TVP23C: variants seen among roughly 807,000 people sequenced by gnomAD.
TVP23C encodes the protein Golgi apparatus membrane protein TVP23 homolog C.
In TVP23C, 19 loss-of-function variants were observed where a neutral mutation model predicts 28.7. The ratio of observed to expected loss-of-function variants is 0.66; its 90% CI spans 0.46 to 0.97. The LOEUF (loss-of-function observed/expected upper bound fraction) is 0.97, where lower values mean the gene tolerates loss of function less well. Ranked by LOEUF, TVP23C falls within the 50% of genes least tolerant of loss-of-function variation. TVP23C has a pLI of 0.00. For synonymous variants in TVP23C, 68 were observed against 81.7 expected (o/e 0.83, Z 0.90); for missense variants, 186 against 241.3 (o/e 0.77, Z 1.52).
chr17:15,519,481 TACAC>T (rs3031137), intron 5 of TVP23C, among the ~76,000 whole-genome samples: 1,754 of 142,670 alleles, frequency 0.012, 34 homozygotes, highest in African/African-American at 0.041. Context: ...CAAATAAATA[TACAC>T]ACACACACAC....
chr17:15,530,395 A>T (rs1451321711), intron 5 of TVP23C, among the ~76,000 whole-genome samples: 3 of 152,162 alleles, frequency 2.0e-5, no homozygotes, highest in Non-Finnish European at 4.4e-5. Context: ...CCTAATTTCA[A>T]TAATACTCAA....
chr17:15,510,573 C>A (rs903940156), intron 5 of TVP23C, among the ~76,000 whole-genome samples: 6 of 152,116 alleles, frequency 3.9e-5, no homozygotes, highest in African/African-American at 1.4e-4. Flanking sequence ...AGTCATAGTT[C>A]CAACTCTGCA....
chr17:15,516,281 T>C (rs1210967232), intron 5 of TVP23C: 1 of 152,442 alleles, frequency 6.6e-6, no homozygotes, highest in Non-Finnish European at 1.5e-5. Context: ...CAGGGGTTGG[T>C]TGTGAAGGAA....
At chr17:15,546,999 A>G in intron 4 of TVP23C, 60 bp downstream of exon 4, 10 of 1,377,596 alleles carry the variant, frequency 7.3e-6, no homozygotes, top group Non-Finnish European at 9.8e-6. Context: ...TCCAGTATTT[A>G]AATATAGTCT....
intron 1 of TVP23C, chr17:15,563,203 C>T: frequency 3.0e-6 from 2 of 662,594 alleles, no homozygotes; most frequent in Admixed American, 3.3e-5. Flanking sequence ...CAATGGGCGT[C>T]CCCACAGCCG....
intron 3 of TVP23C, among the ~76,000 whole-genome samples, chr17:15,548,386 G>C (rs1217676115): frequency 6.6e-6 from 1 of 152,110 alleles, no homozygotes. Context: ...GGTTGGTCTC[G>C]AACTCCCAAC....
At chr17:15,560,348 G>A (rs1386551426) in intron 1 of TVP23C, among the ~76,000 whole-genome samples, 1 of 149,298 alleles carries the variant, frequency 6.7e-6, no homozygotes, top group Non-Finnish European at 1.5e-5. Flanking sequence ...ACAGCCATGA[G>A]CCCTGCGCCC....
chr17:15,548,619 C>T (rs1983750874), intron 3 of TVP23C, among the ~76,000 whole-genome samples: 1 of 152,156 alleles, frequency 6.6e-6, no homozygotes, highest in African/African-American at 2.4e-5. Context: ...ATACTTGCTG[C>T]AGTTATCTTA....
intron 5 of TVP23C, among the ~76,000 whole-genome samples, chr17:15,509,651 TAA>T (rs1981918302): frequency 6.6e-6 from 1 of 152,202 alleles, no homozygotes; most frequent in African/African-American, 2.4e-5. Context: ...CGCTTGAGCC[TAA>T]GAGATGGAGG....
At chr17:15,548,404 A>T (rs1214295565) in intron 3 of TVP23C, among the ~76,000 whole-genome samples, 1 of 152,146 alleles carries the variant, frequency 6.6e-6, no homozygotes, top group Non-Finnish European at 1.5e-5. Context: ...AACCTCAGTG[A>T]TTCACCCGCC....
intron 5 of TVP23C, among the ~76,000 whole-genome samples, chr17:15,544,071 A>T (rs941298674): frequency 6.9e-6 from 1 of 145,738 alleles, no homozygotes; most frequent in Non-Finnish European, 1.5e-5. Context: ...TACATGAACT[A>T]AAAAAAAAAA....
chr17:15,534,384 A>G (rs1345747334), downstream of TVP23C, among the ~76,000 whole-genome samples: 1 of 152,184 alleles, frequency 6.6e-6, no homozygotes. Context: ...GCAACCTTCA[A>G]TAAATTATTT....
chr17:15,521,654 G>A (rs1254365393), intron 5 of TVP23C, among the ~76,000 whole-genome samples: 1 of 152,228 alleles, frequency 6.6e-6, no homozygotes, highest in Non-Finnish European at 1.5e-5. Context: ...GTTGGCATTG[G>A]AGATTAATGT....
intron 5 of TVP23C, among the ~76,000 whole-genome samples, chr17:15,520,360 C>G (rs997146734): frequency 6.7e-6 from 1 of 148,490 alleles, no homozygotes; most frequent in Non-Finnish European, 1.5e-5. Flanking sequence ...GGTTTCAGAT[C>G]ACCTAACGTC....
At chr17:15,517,709 G>A (rs1020964122) in intron 5 of TVP23C, among the ~76,000 whole-genome samples, 6 of 152,140 alleles carry the variant, frequency 3.9e-5, no homozygotes, top group Non-Finnish European at 5.9e-5. Context: ...GGTGGATGTT[G>A]CCATCCCACC....
chr17:15,541,075 C>T (rs1352447900), intron 5 of TVP23C, among the ~76,000 whole-genome samples: 1 of 152,130 alleles, frequency 6.6e-6, no homozygotes, highest in Non-Finnish European at 1.5e-5. Flanking sequence ...TCAACCGATG[C>T]CTGCCTTCCC....
At chr17:15,506,492 C>T (rs1395437859) in intron 5 of TVP23C, among the ~76,000 whole-genome samples, 2 of 152,220 alleles carry the variant, frequency 1.3e-5, no homozygotes, top group African/African-American at 4.8e-5. Context: ...TACCAATCAG[C>T]AGGATGTGGG....
chr17:15,521,237 G>C (rs537934472), intron 5 of TVP23C, among the ~76,000 whole-genome samples: 7 of 152,262 alleles, frequency 4.6e-5, no homozygotes, highest in African/African-American at 1.4e-4. Context: ...AGGTGCGGTG[G>C]CTCACACCTG....
chr17:15,534,190 TGA>T (rs1466900086), downstream of TVP23C, among the ~76,000 whole-genome samples: 1 of 151,706 alleles, frequency 6.6e-6, no homozygotes, highest in Non-Finnish European at 1.5e-5. Flanking sequence ...AAAGAAGTCA[TGA>T]GATACAGGAC....
Sources: gnomAD v4.1 joint callset for allele counts (sites outside exome capture counted in the v4.1 genomes callset) on GRCh38, gnomAD v4.1.1 for gene constraint, MANE v1.5 for transcripts, NCBI Gene and HGNC (gene_info 2026-07-23, HGNC 2026-07-21) for gene names.